The following POFUT3 variants were observed in gnomAD, a reference collection of about 807,000 sequenced individuals.
POFUT3 encodes the protein protein O-fucosyltransferase 3, also known as GDP-fucose protein O-fucosyltransferase 3.
chr8:33,420,064 G>T, the POFUT3 span, among the ~76,000 whole-genome samples: 1 of 152,114 alleles, frequency 6.6e-6, no homozygotes, highest in South Asian at 2.1e-4. Flanking sequence ...TGGAGGTCAA[G>T]GCTGCAGTGA....
At chr8:33,453,267 T>C in the POFUT3 span, 1 of 1,614,214 alleles carries the variant, frequency 6.2e-7, no homozygotes, top group South Asian at 1.1e-5. Flanking sequence ...GTCCGGTTGA[T>C]GGTGAAGAAA....
chr8:33,330,894 TC>T, the POFUT3 span, among the ~76,000 whole-genome samples: 1 of 152,154 alleles, frequency 6.6e-6, no homozygotes, highest in East Asian at 1.9e-4. Context: ...CAATTGGGCT[TC>T]CCAACCTGGT....
chr8:33,467,272 CAAAAAA>C, the POFUT3 span, among the ~76,000 whole-genome samples: 5 of 73,452 alleles, frequency 6.8e-5, no homozygotes, highest in Non-Finnish European at 1.2e-4. Flanking sequence ...GACTCTGTCT[CAAAAAA>C]AAAAAAAAAA....
the POFUT3 span, among the ~76,000 whole-genome samples, chr8:33,469,833 T>A: frequency 2.6e-5 from 3 of 116,040 alleles, no homozygotes; most frequent in Admixed American, 1.2e-4. Flanking sequence ...TGAGATGGAG[T>A]CTCACTCTGT....
chr8:33,451,659 T>A, the POFUT3 span: 1 of 151,310 alleles, frequency 6.6e-6, no homozygotes, highest in African/African-American at 2.4e-5. Flanking sequence ...AACATATATA[T>A]ACATATATGT....
At chr8:33,389,973 T>G in the POFUT3 span, among the ~76,000 whole-genome samples, 10 of 152,150 alleles carry the variant, frequency 6.6e-5, no homozygotes, top group African/African-American at 2.4e-4. Flanking sequence ...GGCAGGTGGA[T>G]CACTTGAGGT....
the POFUT3 span, chr8:33,370,683 T>C: frequency 6.6e-6 from 1 of 152,188 alleles, no homozygotes; most frequent in Non-Finnish European, 1.5e-5. Flanking sequence ...GTTTAAGACA[T>C]ACACACAGCA....
the POFUT3 span, among the ~76,000 whole-genome samples, chr8:33,341,723 A>G: frequency 1.3e-5 from 2 of 152,156 alleles, no homozygotes; most frequent in African/African-American, 4.8e-5. Context: ...GAAATAATAA[A>G]AATAAGAGTC....
chr8:33,465,405 T>TATATATATATATATAC, the POFUT3 span, among the ~76,000 whole-genome samples: 1 of 139,586 alleles, frequency 7.2e-6, no homozygotes, highest in African/African-American at 2.7e-5. Flanking sequence ...TATATATATA[T>TATATATATATATATAC]ACACACATAC....
chr8:33,314,921 G>C, the POFUT3 span, among the ~76,000 whole-genome samples: 1 of 152,166 alleles, frequency 6.6e-6, no homozygotes, highest in African/African-American at 2.4e-5. Flanking sequence ...AATGCACATT[G>C]AGTGTATGGC....
the POFUT3 span, among the ~76,000 whole-genome samples, chr8:33,449,580 G>A: frequency 2.6e-5 from 4 of 151,946 alleles, no homozygotes; most frequent in Non-Finnish European, 4.4e-5. Flanking sequence ...GTGAGCCGCC[G>A]CGTCTGGCCT....
chr8:33,316,996 A>AC, the POFUT3 span, among the ~76,000 whole-genome samples: 3,253 of 151,578 alleles, frequency 0.021, 125 homozygotes, highest in African/African-American at 0.075. Context: ...CTGAGACAGA[A>AC]CCCCCTCATC....
the POFUT3 span, among the ~76,000 whole-genome samples, chr8:33,334,329 T>C: frequency 0.26 from 38,914 of 151,998 alleles, 5,304 homozygotes; most frequent in South Asian, 0.5. Context: ...GCAATTCTCC[T>C]GCCTCAGCCT....
At chr8:33,314,317 G>A in the POFUT3 span, among the ~76,000 whole-genome samples, 2 of 152,130 alleles carry the variant, frequency 1.3e-5, no homozygotes, top group African/African-American at 2.4e-5. Context: ...ACGTGGGATG[G>A]AGGTTAAACC....
the POFUT3 span, among the ~76,000 whole-genome samples, chr8:33,376,287 A>C: frequency 1.3e-5 from 2 of 152,198 alleles, no homozygotes; most frequent in Non-Finnish European, 2.9e-5. Context: ...ATCTTCATCC[A>C]TTCCAAATTT....
chr8:33,363,017 G>A, the POFUT3 span, among the ~76,000 whole-genome samples: 1 of 152,112 alleles, frequency 6.6e-6, no homozygotes, highest in Non-Finnish European at 1.5e-5. Flanking sequence ...CCACATAATT[G>A]GAAGTAAAGC....
chr8:33,342,999 C>T, the POFUT3 span, among the ~76,000 whole-genome samples: 3 of 151,570 alleles, frequency 2.0e-5, no homozygotes, highest in East Asian at 2.0e-4. Flanking sequence ...CCCAGCTACT[C>T]GGGAGGCTGA....
chr8:33,456,342 AT>A, the POFUT3 span, among the ~76,000 whole-genome samples: 1 of 151,852 alleles, frequency 6.6e-6, no homozygotes, highest in Non-Finnish European at 1.5e-5. Context: ...CATACAACTT[AT>A]TTTTTTATTT....
At chr8:33,316,226 T>C in the POFUT3 span, among the ~76,000 whole-genome samples, 1 of 152,120 alleles carries the variant, frequency 6.6e-6, no homozygotes, top group Non-Finnish European at 1.5e-5. Context: ...CCTGCTTCTA[T>C]GGTGCTGGTG....
Sources: gnomAD v4.1 joint callset for allele counts (sites outside exome capture counted in the v4.1 genomes callset) on GRCh38, gnomAD v4.1.1 for gene constraint, MANE v1.5 for transcripts, NCBI Gene and HGNC (gene_info 2026-07-23, HGNC 2026-07-21) for gene names.